Variants in GRIK3 observed in about 807,000 individuals in gnomAD.
GRIK3 encodes the protein glutamate ionotropic receptor kainate type subunit 3.
GRIK3 carries 29 observed loss-of-function variants against 102.5 expected under a neutral mutation model. The observed-to-expected ratio is 0.28, with a 90% CI of 0.21 to 0.39. The LOEUF (loss-of-function observed/expected upper bound fraction) is 0.39. Ranked by LOEUF, GRIK3 falls within the 10% of genes least tolerant of loss-of-function variation. The pLI, the probability that GRIK3 is intolerant of heterozygous loss-of-function variation, is 1.00. For missense variants in GRIK3, 908 were observed against 1,252.4 expected, an observed-to-expected ratio of 0.73 and a Z score of 4.15; for synonymous variants, 511 against 504.9, an observed-to-expected ratio of 1.01 and a Z score of -0.16.
chr1:36,798,446 G>T lies in GRIK3; in HGVS notation c.*3405C>A, dbSNP rs941014474. 6.6e-6 allele frequency: 1 copy of T among 152,508 alleles called. No homozygotes were observed. The highest frequency in any genetic ancestry group is 2.1e-4 in the South Asian group (1 of 4,824). 9.4% of individuals were successfully genotyped at this position (152,508 alleles called of 1,614,324 possible). ...CTTCCCATCACCTCTCAGTGCCTGC[G>T]TGTGTGCACACACACTACACATGCA... is the stretch of plus-strand genomic sequence containing the variant. On this transcript the variant is annotated 3_prime_UTR_variant, in exon 16 of 16. Coordinates refer to ENST00000373091, the MANE Select transcript of GRIK3 (RefSeq NM_000831.4).
intron 1 of GRIK3, among the ~76,000 whole-genome samples, chr1:36,913,827 GAA>G (rs1194519467): frequency 1.3e-5 from 2 of 152,100 alleles, no homozygotes; most frequent in African/African-American, 4.8e-5. Context: ...AGAATCCACT[GAA>G]GTCACCTGCC....
At chr1:36,978,338 T>G (rs1303958226) in intron 1 of GRIK3, among the ~76,000 whole-genome samples, 1 of 152,244 alleles carries the variant, frequency 6.6e-6, no homozygotes, top group Admixed American at 6.5e-5. Flanking sequence ...CACTGCAACT[T>G]GAGTCCAACC....
chr1:36,952,694 A>G (rs1049430120), intron 1 of GRIK3, among the ~76,000 whole-genome samples: 2 of 152,338 alleles, frequency 1.3e-5, no homozygotes. Flanking sequence ...GCAAACAGAT[A>G]ATGAGAAAGC....
At chr1:36,916,489 C>A (rs1398398012) in intron 1 of GRIK3, among the ~76,000 whole-genome samples, 1 of 152,112 alleles carries the variant, frequency 6.6e-6, no homozygotes, top group East Asian at 1.9e-4. Flanking sequence ...TCATGGCAGC[C>A]CCTCACATCA....
rs546278762 is a variant in GRIK3, at chr1:36,905,085, C to T, written c.116-13989G>A. The stretch of plus-strand genomic sequence containing the variant: ...CAAATATAGAAAAACATATAGCCTC[C>T]CCACATAGCAGCAATAAACAGCAAG... On this transcript the variant is annotated intron_variant, in intron 1 of 15. Transcript: ENST00000373091. 7.3e-4 allele frequency among the ~76,000 whole-genome samples: 111 copies of T among 152,006 alleles called. No individual in the cohort carries two copies. The Middle Eastern group carries it at 0.01, about 14-fold the overall frequency.
intron 10 of GRIK3, among the ~76,000 whole-genome samples, chr1:36,834,714 A>G (rs951327860): frequency 2.0e-5 from 3 of 152,050 alleles, no homozygotes; most frequent in Non-Finnish European, 4.4e-5. Flanking sequence ...ATGCATCACA[A>G]TCTCTATCGC....
At chr1:36,927,149 G>C (rs1342399705) in intron 1 of GRIK3, among the ~76,000 whole-genome samples, 4 of 152,218 alleles carry the variant, frequency 2.6e-5, no homozygotes, top group Non-Finnish European at 5.9e-5. Flanking sequence ...TAAGAGGGAG[G>C]CTCCAGGGGA....
chr1:36,902,490 CTT>C (rs1323061408), intron 1 of GRIK3, among the ~76,000 whole-genome samples: 2 of 152,168 alleles, frequency 1.3e-5, no homozygotes, highest in African/African-American at 4.8e-5. Flanking sequence ...AAAAGAAAGA[CTT>C]TTCAACAAAA....
chr1:36,940,809 G>A (rs551919641), intron 1 of GRIK3, among the ~76,000 whole-genome samples: 1 of 152,334 alleles, frequency 6.6e-6, no homozygotes, highest in South Asian at 2.1e-4. Flanking sequence ...GGCACTAGAA[G>A]CTTCTGGAGA....
At chr1:36,887,765 A>ATAT (rs1464547828) in intron 2 of GRIK3, among the ~76,000 whole-genome samples, 9 of 98,822 alleles carry the variant, frequency 9.1e-5, no homozygotes, top group African/African-American at 4.8e-4. Context: ...TCAAAAAAAA[A>ATAT]AAAAAAATAT....
chr1:37,012,176 G>A (rs939931799), intron 1 of GRIK3, among the ~76,000 whole-genome samples: 32 of 152,210 alleles, frequency 2.1e-4, no homozygotes, highest in African/African-American at 6.3e-4. Context: ...GGGGGCCATT[G>A]CCTATTGAGT....
At chr1:36,845,580 C>T (rs1161607570) in intron 9 of GRIK3, among the ~76,000 whole-genome samples, 2 of 152,218 alleles carry the variant, frequency 1.3e-5, no homozygotes, top group African/African-American at 4.8e-5. Context: ...TATCTGGGTT[C>T]TGAAGCTCCT....
chr1:36,812,413 T>C (rs180771580), intron 13 of GRIK3, among the ~76,000 whole-genome samples: 3 of 152,302 alleles, frequency 2.0e-5, no homozygotes, highest in Admixed American at 6.5e-5. Context: ...TGTCTTCCGA[T>C]GTCCTCTCTC....
At chr1:36,907,765 G>T (rs1278784806) in intron 1 of GRIK3, among the ~76,000 whole-genome samples, 1 of 152,086 alleles carries the variant, frequency 6.6e-6, no homozygotes, top group Non-Finnish European at 1.5e-5. Flanking sequence ...GGCTGCAAAG[G>T]CTGAATATCA....
chr1:36,802,112 G>A (rs954120263), intron 15 of GRIK3, 67 bp from the exon 16 acceptor site: 5 of 1,140,332 alleles, frequency 4.4e-6, no homozygotes, highest in African/African-American at 1.5e-5. Context: ...TGCAACTCCA[G>A]CCAGTTCCTC....
At chr1:37,009,949 G>A (rs1431829877) in intron 1 of GRIK3, among the ~76,000 whole-genome samples, 1 of 152,146 alleles carries the variant, frequency 6.6e-6, no homozygotes, top group Non-Finnish European at 1.5e-5. Context: ...GAGGAGGCAA[G>A]TACTGGGCCA....
intron 3 of GRIK3, among the ~76,000 whole-genome samples, chr1:36,877,001 T>C (rs1258768898): frequency 6.6e-6 from 1 of 152,220 alleles, no homozygotes; most frequent in Non-Finnish European, 1.5e-5. Flanking sequence ...CTATCTCCTT[T>C]TGAGAAGTTA....
intron 1 of GRIK3, among the ~76,000 whole-genome samples, chr1:36,912,447 C>G (rs1206122818): frequency 6.6e-6 from 1 of 151,974 alleles, no homozygotes; most frequent in African/African-American, 2.4e-5. Context: ...CTCTGCTGCC[C>G]ACAGTGTAAC....
chr1:36,953,589 G>T (rs887739097), intron 1 of GRIK3, among the ~76,000 whole-genome samples: 1 of 152,040 alleles, frequency 6.6e-6, no homozygotes, highest in Non-Finnish European at 1.5e-5. Flanking sequence ...ACAGAAGAGG[G>T]CTTGGGTATG....
Sources: gnomAD v4.1 joint callset for allele counts (sites outside exome capture counted in the v4.1 genomes callset) on GRCh38, gnomAD v4.1.1 for gene constraint, MANE v1.5 for transcripts, NCBI Gene and HGNC (gene_info 2026-07-23, HGNC 2026-07-21) for gene names.